The following TOX2 variants were observed in gnomAD, a reference collection of about 807,000 sequenced individuals.
TOX2 encodes the protein TOX high mobility group box family member 2, also known as granulosa cell HMG box 1.
In TOX2, 15 loss-of-function variants were observed where a neutral mutation model predicts 47.4. That is an observed-to-expected ratio of 0.32 (90% confidence interval 0.21 to 0.49). The LOEUF is 0.49. Among genes scored for constraint, TOX2 ranks in the 20% least tolerant of loss-of-function variants. The probability of loss-of-function intolerance (pLI) is 0.99; values close to 1 mark genes in which losing one functional copy is unlikely to be tolerated. For synonymous variants in TOX2, 290 were observed against 296.6 expected (o/e 0.98, Z 0.23); for missense variants, 622 against 673.1 (o/e 0.92, Z 0.84).
In TOX2 at chr20:44,051,493, C is replaced by A. The variant is rs1055016025; in HGVS notation, c.599C>A (p.Thr200Asn). 3 of 1,612,342 alleles carry A rather than the reference C, an allele frequency of 1.9e-6. No individual in the cohort carries two copies. The highest frequency in any genetic ancestry group is 2.5e-6 in the Non-Finnish European group (3 of 1,178,924). ...SPSPPGSKSA[T>N]PSPSSSTQEE... ...TCACCGCCGGGGAGCAAGTCAGCGA[C>A]CCCCTCTCCCTCCAGCTCCACTCAG... Residue 200 changes from threonine (T) to asparagine (N), a missense_variant, in exon 4 of 9, where the codon ACC becomes AAC. Coordinates refer to ENST00000341197, the MANE Select transcript of TOX2 (RefSeq NM_001098797.2).
intron 1 of TOX2, among the ~76,000 whole-genome samples, chr20:43,927,675 TTCTTCCTTCCTTCCCTTCC>T (rs2069193156): frequency 8.9e-6 from 1 of 111,920 alleles, no homozygotes; most frequent in African/African-American, 4.6e-5. Context: ...CTTCCTTCCT[TTCTTCCTTCCTTCCCTTCC>T]CCTTCCTTCC....
intron 5 of TOX2, among the ~76,000 whole-genome samples, chr20:44,061,354 GCCAGTCAATCAC>G (rs1414873396): frequency 6.6e-6 from 1 of 152,086 alleles, no homozygotes; most frequent in Non-Finnish European, 1.5e-5. Flanking sequence ...ATTCTATGAA[GCCAGTCAATCAC>G]CCTAATACCC....
chr20:44,015,974 C>T (rs544725153), intron 3 of TOX2, among the ~76,000 whole-genome samples: 4 of 152,132 alleles, frequency 2.6e-5, no homozygotes, highest in East Asian at 1.9e-4. Context: ...AACAGGATCA[C>T]GTTTGTTGAC....
intron 5 of TOX2, among the ~76,000 whole-genome samples, chr20:44,060,163 G>T (rs1234621899): frequency 6.6e-6 from 1 of 151,976 alleles, no homozygotes; most frequent in Non-Finnish European, 1.5e-5. Flanking sequence ...GACAAAGAGG[G>T]ACATTATATA....
intron 3 of TOX2, among the ~76,000 whole-genome samples, chr20:44,023,087 G>A (rs1420337302): frequency 6.6e-6 from 1 of 151,736 alleles, no homozygotes. Context: ...GGATGGGAAG[G>A]AGGGAGGAAA....
intron 2 of TOX2, among the ~76,000 whole-genome samples, chr20:44,005,029 G>A (rs569872676): frequency 6.6e-6 from 1 of 152,172 alleles, no homozygotes; most frequent in Non-Finnish European, 1.5e-5. Flanking sequence ...TGATCGTTAT[G>A]CATTATTTGT....
intron 1 of TOX2, among the ~76,000 whole-genome samples, chr20:43,941,691 A>G (rs2069404947): frequency 3.3e-5 from 5 of 151,964 alleles, no homozygotes; most frequent in Admixed American, 3.3e-4. Flanking sequence ...GGTGTTTTCT[A>G]TTGACTTAAG....
intron 7 of TOX2, among the ~76,000 whole-genome samples, 198 bp from the exon 8 acceptor site, chr20:44,066,532 C>T (rs1297183604): frequency 2.0e-5 from 3 of 152,218 alleles, no homozygotes; most frequent in Non-Finnish European, 4.4e-5. Flanking sequence ...AAAGCCAAGT[C>T]CTTCAGCCCC....
At chr20:43,962,994 T>C (rs1367326176) in intron 1 of TOX2, among the ~76,000 whole-genome samples, 1 of 152,226 alleles carries the variant, frequency 6.6e-6, no homozygotes, top group African/African-American at 2.4e-5. Flanking sequence ...CTTTTTGTTG[T>C]CATCGTCATC....
intron 3 of TOX2, among the ~76,000 whole-genome samples, chr20:44,050,274 T>C (rs2071486938): frequency 6.6e-6 from 1 of 152,170 alleles, no homozygotes; most frequent in Admixed American, 6.5e-5. Context: ...GAGGAAGGGA[T>C]AGCTAAAGAC....
intron 3 of TOX2, among the ~76,000 whole-genome samples, chr20:44,045,662 T>C (rs1349039403): frequency 9.9e-5 from 15 of 152,158 alleles, no homozygotes; most frequent in Admixed American, 9.8e-4. Context: ...ACATAAATGG[T>C]CCAGTAAACT....
At chr20:43,922,537 T>C (rs1210482520) in intron 1 of TOX2, among the ~76,000 whole-genome samples, 1 of 152,238 alleles carries the variant, frequency 6.6e-6, no homozygotes, top group African/African-American at 2.4e-5. Flanking sequence ...ACAGTCATCT[T>C]ATTTACATGG....
In TOX2 at chr20:44,064,854, C is replaced by T. The variant is rs751111182; in HGVS notation, c.957C>T (p.Ser319=). Residue 319 remains serine (S), a synonymous_variant, in exon 6 of 9, where the codon TCC becomes TCT. Coordinates refer to ENST00000341197, the MANE Select transcript of TOX2 (RefSeq NM_001098797.2). ...CAGCCTACCGGGCTAGCCTCGTCTC[C>T]AAGGTAACACCCGGAATCTCCAGGC... ...ALAAYRASLV[S]KSSPDQGETK... 1.2e-5 allele frequency: 20 copies of T among 1,613,940 alleles called. No individual in the cohort carries two copies. The highest frequency in any genetic ancestry group is 1.7e-5 in the Non-Finnish European group (20 of 1,179,994).
At chr20:43,925,014 A>G (rs1291981948) in intron 1 of TOX2, among the ~76,000 whole-genome samples, 1 of 152,176 alleles carries the variant, frequency 6.6e-6, no homozygotes, top group Non-Finnish European at 1.5e-5. Context: ...ATTTTCCCAG[A>G]ATTCTGAGTT....
chr20:44,038,529 T>C lies in TOX2; in HGVS notation c.412-12777T>C, dbSNP rs147080838. Among the ~76,000 whole-genome samples, 1,285 of 152,088 alleles carry C rather than the reference T, an allele frequency of 8.4e-3. 15 individuals carry two copies. Among genetic ancestry groups the C allele is most frequent in the African/African-American group, 0.03 (1,242 of 41,474 alleles). On this transcript the variant is annotated intron_variant, in intron 3 of 8. Transcript: ENST00000341197. ...AGCACATCAGATTGGACCCTATGCA[T>C]GTATACAACTATGACTTGTCAATAA... is the stretch of plus-strand genomic sequence containing the variant.
At chr20:43,930,920 G>A (rs1331708047) in intron 1 of TOX2, among the ~76,000 whole-genome samples, 1 of 152,120 alleles carries the variant, frequency 6.6e-6, no homozygotes, top group African/African-American at 2.4e-5. Flanking sequence ...TTTTCTGGAA[G>A]CCCCTTACCC....
rs59829203 is a variant in TOX2 at position 43,951,707 on chromosome 20, GTT to G, written c.100-21640_100-21639del. Among the ~76,000 whole-genome samples the G allele has an allele frequency of 5.0e-3, 278 of 55,082 alleles. 35 individuals are homozygous for G. The highest frequency in any genetic ancestry group is 0.014 in the Middle Eastern group (1 of 74). The allele number at this position is 55,082 out of a possible 152,430, so 36.1% of individuals were successfully genotyped here. Reference sequence around the variant, plus strand: ...TGACCATTACTATTAAACTTATTATGTTTTTTTTTTTTTTTTTTTTTAGAGAA... The same window carrying G: ...TGACCATTACTATTAAACTTATTATGTTTTTTTTTTTTTTTTTTTAGAGAA... On this transcript the variant is annotated intron_variant, in intron 1 of 8. Coordinates refer to ENST00000341197, the MANE Select transcript of TOX2 (RefSeq NM_001098797.2).
At chr20:44,068,489 G>A (rs570626048) in intron 8 of TOX2, among the ~76,000 whole-genome samples, 161 bp from the exon 9 acceptor site, 1 of 146,990 alleles carries the variant, frequency 6.8e-6, no homozygotes, top group South Asian at 2.2e-4. Context: ...TTGGTGTAGA[G>A]GTGGGTGGGG....
intron 2 of TOX2, among the ~76,000 whole-genome samples, chr20:43,990,479 C>G (rs1207067514): frequency 6.6e-6 from 1 of 152,162 alleles, no homozygotes; most frequent in Non-Finnish European, 1.5e-5. Context: ...GATCACTGGG[C>G]CCCATTTGTG....
Sources: allele counts gnomAD v4.1 joint callset (sites outside exome capture counted in the v4.1 genomes callset), GRCh38; gene constraint gnomAD v4.1.1; transcripts MANE v1.5; gene names NCBI Gene and HGNC (gene_info 2026-07-23, HGNC 2026-07-21).